Variants in LAMA5 observed in about 807,000 individuals in gnomAD.
The protein encoded by LAMA5 is laminin subunit alpha-5.
LAMA5 carries 260 observed loss-of-function variants against 433.4 expected under a neutral mutation model. That is an observed-to-expected ratio of 0.60 (90% CI 0.54 to 0.66). LAMA5 has a LOEUF of 0.66. Ranked by LOEUF, LAMA5 falls within the 30% of genes least tolerant of loss-of-function variation. The pLI is 0.00. For missense variants in LAMA5, 5,378 were observed against 5,258.5 expected (o/e 1.02, Z -0.70); for synonymous variants, 2,620 against 2,226.6 (o/e 1.18, Z -4.97).
chr20:62,309,344 C>G lies in LAMA5; in HGVS notation c.11080G>C (p.Ala3694Pro). 1.9e-6 allele frequency: 3 copies of G among 1,591,092 alleles called. No individual in the cohort carries two copies. Among genetic ancestry groups the G allele is most frequent in the Non-Finnish European group, 2.5e-6 (3 of 1,177,100 alleles). Reference sequence around the variant, plus strand: ...CCGGGGTTGGCTGTGTCCTAGGCGGCTGGGCAGCCACTGGCCCCCACTGCC... The same window carrying G: ...CCGGGGTTGGCTGTGTCCTAGGCGGGTGGGCAGCCACTGGCCCCCACTGCC... ...HGAVGASGCP[A>P]A The change falls in exon 80 of 80, where the codon GCC becomes CCC. Residue 3694 changes from alanine to proline, a missense_variant. By Grantham distance (27) the Ala-to-Pro change is conservative. Coordinates refer to ENST00000252999, the MANE Select transcript of LAMA5 (RefSeq NM_005560.6).
intron 11 of LAMA5, among the ~76,000 whole-genome samples, chr20:62,340,560 C>G (rs946517843): frequency 2.0e-5 from 3 of 151,846 alleles, no homozygotes; most frequent in Admixed American, 1.3e-4. Context: ...ACCTGCCCAC[C>G]TCAGCCTCCC....
In LAMA5 at chr20:62,330,833, G is replaced by A; in HGVS notation, c.3762C>T (p.Leu1254=). 1.3e-6 allele frequency: 2 copies of A among 1,544,386 alleles called. No individual in the cohort carries two copies. Among genetic ancestry groups the A allele is most frequent in the Middle Eastern group, 1.7e-4 (1 of 5,936 alleles). ...GTCCAGCTGGGGACATGGCTGGAGT[G>A]AGATCCTGCGCGTGGGTCAGCGGGA... The part of the protein sequence containing the change: ...PGLPLTHAQD[L]TPAMSPAGPR... The change falls in exon 30 of 80, where the codon CTC becomes CTT. Residue 1254 remains leucine (L), a synonymous_variant. Transcript: ENST00000252999.
At position 62,326,930 on chromosome 20, in the gene LAMA5, G is replaced by A. The variant is rs875379; in HGVS notation, c.5149C>T (p.His1717Tyr). The A allele has an allele frequency of 0.084, 134,927 of 1,610,910 alleles. 6,255 individuals carry two copies. The highest frequency in any genetic ancestry group is 0.092 in the Non-Finnish European group (107,896 of 1,178,260). Residue 1717 changes from histidine (H) to tyrosine (Y), a missense_variant, in exon 39 of 80, where the codon CAC becomes TAC. By Grantham distance (83) the His-to-Tyr change is moderately conservative. Coordinates refer to ENST00000252999, the MANE Select transcript of LAMA5 (RefSeq NM_005560.6). ...ACATCTCCCCGCTGGGTCTCTGAGTGCAGTTCATAACGGAGGGTCCCACCG... is the reference window on the plus strand; with the variant it reads ...ACATCTCCCCGCTGGGTCTCTGAGTACAGTTCATAACGGAGGGTCCCACCG... ...SYGGTLRYEL[H>Y]SETQRGDVFV...
intron 10 of LAMA5, 65 bp downstream of exon 10, chr20:62,346,016 C>G (rs374084611): frequency 5.9e-5 from 95 of 1,603,112 alleles, no homozygotes; most frequent in Middle Eastern, 3.3e-4. Flanking sequence ...CCCTCCACCC[C>G]CTGCAGGGCT....
In LAMA5 at chr20:62,333,893, C is replaced by G. The variant is rs747544448; in HGVS notation, c.2878+8G>C. On this transcript the variant is annotated splice_region_variant and intron_variant, in intron 23 of 79. Transcript: ENST00000252999. ...GGGCAGGGGCTGTGGCCCAGGGACC[C>G]CACTCACAGTTGGCGCAGGTGGCCG... 1.4e-4 allele frequency: 220 copies of G among 1,577,780 alleles called. No homozygotes were observed. Among genetic ancestry groups the G allele is most frequent in the Non-Finnish European group, 1.8e-4 (214 of 1,157,078 alleles).
chr20:62,338,812 G>A (rs1400431517), intron 11 of LAMA5, among the ~76,000 whole-genome samples: 2 of 152,218 alleles, frequency 1.3e-5, no homozygotes, highest in Non-Finnish European at 2.9e-5. Flanking sequence ...GCCGAGGCGG[G>A]CAGATCATGA....
At position 62,319,785 on chromosome 20, in the gene LAMA5, G is replaced by T. The variant is rs766367389; in HGVS notation, c.6770C>A (p.Thr2257Asn). The change falls in exon 51 of 80, where the codon ACC (threonine) becomes AAC (asparagine). Residue 2257 changes from threonine (T) to asparagine (N), a missense_variant. Coordinates refer to ENST00000252999, the MANE Select transcript of LAMA5 (RefSeq NM_005560.6). The part of the protein sequence containing the change: ...ARRLGGQAVG[T>N]RDQASQLLAG... ...CAGCAATTGGCTCGCCTGGTCTCGG[G>T]TCCCCACGGCCTGTGGAGGAAGAGC... is the stretch of plus-strand genomic sequence containing the variant. The T allele has an allele frequency of 8.4e-6, 13 of 1,546,350 alleles. No individual in the cohort carries two copies. In the South Asian group the frequency reaches 1.5e-4, roughly 18 times the overall value.
chr20:62,310,270 C>A lies in LAMA5; in HGVS notation c.10642G>T (p.Glu3548Ter). 1 of 1,611,550 alleles carries A rather than the reference C, an allele frequency of 6.2e-7. No homozygotes were observed. The highest frequency in any genetic ancestry group is 8.5e-7 in the Non-Finnish European group (1 of 1,179,290). The change falls in exon 77 of 80, where the codon GAG becomes TAG. Residue 3548 changes from glutamate (E) to a stop codon, truncating the protein, a stop_gained. Coordinates refer to ENST00000252999, the MANE Select transcript of LAMA5 (RefSeq NM_005560.6). LOFTEE classifies it high-confidence loss of function. ...CCGGTGACTGCCAGGGGCCGCACCT[C>A]CAGTTCCAGGCCCACATCAGGCAGT... The part of the protein sequence containing the change: ...ATLPDVGLEL[E>*]VRPLAVTGLI...
Position 62,310,946 on chromosome 20 carries a change from G to T in LAMA5, c.10237C>A (p.Arg3413Ser), listed in dbSNP as rs536483551. Residue 3413 changes from arginine (R) to serine (S), a missense_variant, in exon 74 of 80, where the codon CGC becomes AGC. By Grantham distance (110) the Arg-to-Ser change is moderately radical. Transcript: ENST00000252999. ...AQMEGLGTRL[R>S]AQSRQRSRPG... ...CGGGAGCGCTGGCGGCTCTGGGCGC[G>T]GAGCCGAGTCCCGAGGCCTTCCATC... 2 of 1,611,258 alleles carry T rather than the reference G, an allele frequency of 1.2e-6. No individual in the cohort carries two copies. The highest frequency in any genetic ancestry group is 1.7e-4 in the Middle Eastern group (1 of 6,052).
At chr20:62,344,166 C>T (rs539392904) in intron 11 of LAMA5, among the ~76,000 whole-genome samples, 21 of 143,176 alleles carry the variant, frequency 1.5e-4, no homozygotes, top group South Asian at 4.4e-4. Flanking sequence ...AAAAAAAAGA[C>T]GTCATATCAA....
Position 62,309,270 on chromosome 20 carries a change from G to C in LAMA5, c.*66C>G. On this transcript the variant is annotated 3_prime_UTR_variant, in exon 80 of 80. Transcript: ENST00000252999. ...TTAGAGTCCAAATAGACACCTATGA[G>C]GCGAGCACAAGGGGCGGTGTGAGGC... The C allele has an allele frequency of 6.6e-7, 1 of 1,517,654 alleles. No individual in the cohort carries two copies. Among genetic ancestry groups the C allele is most frequent in the Non-Finnish European group, 8.9e-7 (1 of 1,121,732 alleles). The allele number at this position is 1,517,654 out of a possible 1,614,324, so 94.0% of individuals were successfully genotyped here.
chr20:62,322,217 G>A (rs747848247), intron 47 of LAMA5, 49 bp from the exon 48 acceptor site: 118 of 1,560,896 alleles, frequency 7.6e-5, no homozygotes, highest in East Asian at 2.1e-4. Context: ...ACCTTGGAGC[G>A]TACCCCACTC....
At chr20:62,332,856 G>A (rs1048531778) in intron 26 of LAMA5, 139 bp from the exon 27 acceptor site, 29 of 1,154,904 alleles carry the variant, frequency 2.5e-5, no homozygotes, top group Non-Finnish European at 3.1e-5. Flanking sequence ...CTCCAGGCAA[G>A]TGGTGGGGGC....
At chr20:62,328,759 T>C in intron 34 of LAMA5, 85 bp downstream of exon 34, 1 of 1,341,258 alleles carries the variant, frequency 7.5e-7, no homozygotes, top group Admixed American at 2.2e-5. Flanking sequence ...AACATTCTCC[T>C]GACCCTGCTT....
At chr20:62,339,237 T>C (rs1026176457) in intron 11 of LAMA5, among the ~76,000 whole-genome samples, 6 of 121,440 alleles carry the variant, frequency 4.9e-5, no homozygotes, top group African/African-American at 6.7e-5. Context: ...GTTTCTTTTT[T>C]TTTTTTTTTT....
At chr20:62,315,684 C>A (rs552859721) in intron 58 of LAMA5, among the ~76,000 whole-genome samples, 2 of 152,300 alleles carry the variant, frequency 1.3e-5, no homozygotes, top group South Asian at 4.1e-4. Flanking sequence ...CCAATCCCCC[C>A]CAAGGCCTAC....
chr20:62,324,543 G>A lies in LAMA5; in HGVS notation c.5541C>T (p.Pro1847=), dbSNP rs745703826. 2.6e-5 allele frequency: 42 copies of A among 1,610,522 alleles called. No homozygotes were observed. The East Asian group carries it at 2.9e-4, about 11-fold the overall frequency. The change falls in exon 42 of 80, where the codon CCC becomes CCT. Residue 1847 remains proline (P), a synonymous_variant. Coordinates refer to ENST00000252999, the MANE Select transcript of LAMA5 (RefSeq NM_005560.6). This position sits in a 1 kb window ranked among gnomAD's most constrained non-coding sequence, Gnocchi z 4.4. ...YRGDSCQECA[P]GFYRDVKGLF... is the part of the protein sequence containing the mutation. Reference sequence around the variant, plus strand: ...GACCTTTGACGTCCCGATAGAAGCCGGGGGCACATTCCTGAGGGTGTACGG... The same window carrying A: ...GACCTTTGACGTCCCGATAGAAGCCAGGGGCACATTCCTGAGGGTGTACGG...
At chr20:62,322,584 A>G in intron 46 of LAMA5, 74 bp downstream of exon 46, 1 of 1,421,316 alleles carries the variant, frequency 7.0e-7, no homozygotes, top group Non-Finnish European at 9.5e-7. Flanking sequence ...AGCCCCACCT[A>G]TCAGATTCTC....
Position 62,318,867 on chromosome 20 carries a change from C to T in LAMA5, c.7018G>A (p.Ala2340Thr). Residue 2340 changes from alanine (A) to threonine (T), a missense_variant, in exon 52 of 80, where the codon GCT becomes ACT. Coordinates refer to ENST00000252999, the MANE Select transcript of LAMA5 (RefSeq NM_005560.6). The part of the protein sequence containing the change: ...DLGAPQAAAE[A>T]ELAAAQRLLA... ...CATCTCTGTGCTGCAGCCAACTCAG[C>T]CTCAGCTGCTGCCTGCGGGGCCCCC... The T allele has an allele frequency of 1.9e-6, 3 of 1,610,088 alleles. No homozygotes were observed. The South Asian group carries it at 3.3e-5, about 18-fold the overall frequency.
Sources: allele counts gnomAD v4.1 joint callset (sites outside exome capture counted in the v4.1 genomes callset), GRCh38; gene constraint gnomAD v4.1.1; non-coding constraint Gnocchi (gnomAD v3.1); transcripts MANE v1.5; gene names NCBI Gene and HGNC (gene_info 2026-07-23, HGNC 2026-07-21).